The following MADD variants were observed in gnomAD, a reference collection of about 807,000 sequenced individuals.
The protein encoded by MADD is MAP kinase activating death domain, also known as MAP kinase-activating death domain protein.
In MADD, 109 loss-of-function variants were observed where a neutral mutation model predicts 176.7. The ratio of observed to expected loss-of-function variants is 0.62; its 90% CI spans 0.53 to 0.72. MADD has a LOEUF of 0.72. Ranked by LOEUF, MADD falls within the 30% of genes least tolerant of loss-of-function variation. MADD has a pLI of 0.00. For missense variants in MADD, 1,914 were observed against 2,045.5 expected, an observed-to-expected ratio of 0.94 and a Z score of 1.24; for synonymous variants, 771 against 771.3, an observed-to-expected ratio of 1.00 and a Z score of 0.01.
intron 22 of MADD, among the ~76,000 whole-genome samples, chr11:47,299,150 G>A (rs957898191): frequency 6.6e-6 from 1 of 152,060 alleles, no homozygotes; most frequent in African/African-American, 2.4e-5. Flanking sequence ...TTGGCTATCT[G>A]GGGTCTTTTG....
chr11:47,276,732 G>A, exon 5 of MADD: 1 of 1,614,100 alleles, frequency 6.2e-7, no homozygotes. Context: ...CTCATGACAG[G>A]TGGTGCTACA....
upstream of MADD, chr11:47,269,727 G>C (rs1020391181): frequency 3.9e-5 from 6 of 152,034 alleles, no homozygotes; most frequent in African/African-American, 9.6e-5. Context: ...TTCCCTGCTC[G>C]GACGCCGAGC....
At chr11:47,296,179 T>G in intron 22 of MADD, 124 bp downstream of exon 24, 1 of 1,166,210 alleles carries the variant, frequency 8.6e-7, no homozygotes. Context: ...GGTAATCTTC[T>G]TATATTTGGC....
In MADD at chr11:47,294,012, A is replaced by G. The variant is rs958466477; in HGVS notation, c.3402+29A>G. On this transcript the variant is annotated intron_variant, in intron 20 of 32. Coordinates refer to ENST00000402192, the Ensembl canonical transcript of MADD. ...TGTGACAACCTTGTTGAAATTTGCA[A>G]GTATTAAATATGCTGTCTCAGAATA... 5.3e-6 allele frequency: 8 copies of G among 1,512,516 alleles called. No individual in the cohort carries two copies. The African/African-American group carries it at 6.9e-5, about 13-fold the overall frequency. The allele number at this position is 1,512,516 out of a possible 1,614,324, so 93.7% of individuals were successfully genotyped here. A position where few individuals can be genotyped will look rare whatever the true frequency, so the allele number is the denominator to read the frequency against.
At chr11:47,275,250 T>G (rs2136334779) in intron 3 of MADD, 91 bp downstream of exon 3, 1 of 1,077,228 alleles carries the variant, frequency 9.3e-7, no homozygotes, top group East Asian at 2.4e-5. Flanking sequence ...CCTCTACAGC[T>G]CAAGGTCCTT....
chr11:47,316,419 C>T (rs1177951207), intron 27 of MADD, among the ~76,000 whole-genome samples: 5 of 131,602 alleles, frequency 3.8e-5, no homozygotes, highest in African/African-American at 8.5e-5. Context: ...GACGGAGTCT[C>T]ACTCTGTCGC....
chr11:47,287,161 T>A (rs1020532893), intron 15 of MADD, among the ~76,000 whole-genome samples: 1 of 152,128 alleles, frequency 6.6e-6, no homozygotes, highest in Non-Finnish European at 1.5e-5. Flanking sequence ...CCGTCTCTGC[T>A]AAAAATACAA....
intron 1 of MADD, among the ~76,000 whole-genome samples, chr11:47,273,244 A>G (rs946472151): frequency 4.6e-5 from 7 of 152,250 alleles, no homozygotes; most frequent in Non-Finnish European, 1.0e-4. Context: ...TCCAGATTAG[A>G]TGGCCTAGGT....
chr11:47,315,179 A>AG, intron 26 of MADD, 41 bp from the exon 30 acceptor site: 1 of 1,222,288 alleles, frequency 8.2e-7, no homozygotes, highest in South Asian at 1.2e-5. Context: ...GCCCTCTGAG[A>AG]GGGATGTATG....
At chr11:47,314,729 G>GT (rs2092134368) in intron 26 of MADD, among the ~76,000 whole-genome samples, 1 of 152,144 alleles carries the variant, frequency 6.6e-6, no homozygotes, top group Non-Finnish European at 1.5e-5. Context: ...CTGAGGTCAA[G>GT]TTTTTTTCAT....
intron 5 of MADD, 105 bp downstream of exon 5, chr11:47,276,968 C>T: frequency 1.5e-6 from 2 of 1,343,378 alleles, no homozygotes; most frequent in East Asian, 2.4e-5. Context: ...AATCCTTTGT[C>T]ATAACTTATT....
intron 25 of MADD, 29 bp downstream of exon 28, chr11:47,309,641 C>A (rs193053557): frequency 5.2e-6 from 8 of 1,551,656 alleles, no homozygotes; most frequent in Admixed American, 3.3e-5. Flanking sequence ...TGTCCAGCTC[C>A]GCTGATCCTA....
At chr11:47,284,594 A>C in intron 12 of MADD, 29 bp downstream of exon 12, 1 of 1,607,226 alleles carries the variant, frequency 6.2e-7, no homozygotes, top group Non-Finnish European at 8.5e-7. Flanking sequence ...ATGAGTGAGA[A>C]CCATGGCCTG....
chr11:47,277,001 T>G (rs1300221956), intron 5 of MADD, 138 bp downstream of exon 5: 1 of 1,066,526 alleles, frequency 9.4e-7, no homozygotes, highest in East Asian at 2.6e-5. Context: ...CTGACTGATT[T>G]GAACTGATCT....
At chr11:47,307,610 G>A (rs2083946596) in intron 22 of MADD, among the ~76,000 whole-genome samples, 1 of 151,974 alleles carries the variant, frequency 6.6e-6, no homozygotes, top group Non-Finnish European at 1.5e-5. Flanking sequence ...TTGTGAAATG[G>A]CATGATATTA....
At chr11:47,298,996 T>C (rs1251338853) in intron 22 of MADD, among the ~76,000 whole-genome samples, 1 of 152,234 alleles carries the variant, frequency 6.6e-6, no homozygotes. Context: ...GCTATAAATA[T>C]ATGGATTTCT....
chr11:47,288,903 C>T, intron 15 of MADD, 65 bp from the exon 16 acceptor site: 4 of 1,164,136 alleles, frequency 3.4e-6, no homozygotes, highest in South Asian at 1.4e-5. Context: ...GCTTACTGCT[C>T]CTCGGAGGGG....
intron 22 of MADD, among the ~76,000 whole-genome samples, chr11:47,307,022 C>T (rs1221110503): frequency 6.6e-6 from 1 of 152,090 alleles, no homozygotes; most frequent in East Asian, 1.9e-4. Flanking sequence ...CCACCTCAGC[C>T]TCCCAAGTAG....
chr11:47,319,684 G>A (rs2094006849), intron 27 of MADD, among the ~76,000 whole-genome samples: 1 of 152,098 alleles, frequency 6.6e-6, no homozygotes, highest in Non-Finnish European at 1.5e-5. Flanking sequence ...TTACGAAAGT[G>A]GTATCAAATT....
Sources: allele counts gnomAD v4.1 joint callset (sites outside exome capture counted in the v4.1 genomes callset), GRCh38; gene constraint gnomAD v4.1.1; transcripts MANE v1.5; gene names NCBI Gene and HGNC (gene_info 2026-07-23, HGNC 2026-07-21).